Variants in RIN2 observed in about 807,000 individuals in gnomAD.
RIN2 encodes RAB5 interacting protein 2.
RIN2 carries 36 observed loss-of-function variants against 78.0 expected under a neutral mutation model. The observed-to-expected ratio is 0.46, with a 90% CI of 0.35 to 0.61. RIN2 has a LOEUF of 0.61. RIN2 is among the 20% of genes least tolerant of loss of function. RIN2 has a pLI of 0.00. For missense variants in RIN2, 1,087 were observed against 1,159.7 expected (o/e 0.94, Z 0.91); for synonymous variants, 466 against 466.8 (o/e 1.00, Z 0.02).
At chr20:19,779,315 T>C (rs1400859065) in intron 1 of RIN2, among the ~76,000 whole-genome samples, 1 of 152,186 alleles carries the variant, frequency 6.6e-6, no homozygotes, top group African/African-American at 2.4e-5. Flanking sequence ...AAAATCCTCC[T>C]AATTATTAAT....
At chr20:19,764,918 GTTTTTTTTTTT>G (rs10605325) in intron 1 of RIN2, among the ~76,000 whole-genome samples, 1 of 50,362 alleles carries the variant, frequency 2.0e-5, no homozygotes, top group East Asian at 8.7e-4. Context: ...CACTTTCTGC[GTTTTTTTTTTT>G]TTTTTTTTTT....
intron 6 of RIN2, among the ~76,000 whole-genome samples, chr20:19,961,578 CGAT>C (rs141041197): frequency 0.019 from 2,952 of 152,110 alleles, 43 homozygotes; most frequent in Middle Eastern, 0.034. Context: ...ACTTGCTTCC[CGAT>C]TTCCCAGCAC....
intron 3 of RIN2, among the ~76,000 whole-genome samples, chr20:19,918,588 T>A (rs2039781481): frequency 6.6e-6 from 1 of 152,148 alleles, no homozygotes; most frequent in Admixed American, 6.6e-5. Context: ...TTCAACCACT[T>A]TTTGACCTTC....
At chr20:19,803,819 C>T (rs1379508346) in intron 2 of RIN2, among the ~76,000 whole-genome samples, 1 of 152,078 alleles carries the variant, frequency 6.6e-6, no homozygotes, top group African/African-American at 2.4e-5. Context: ...TTGATTCTTC[C>T]TATCCTTGAG....
intron 2 of RIN2, among the ~76,000 whole-genome samples, chr20:19,885,529 T>C (rs1600695920): frequency 7.0e-6 from 1 of 142,570 alleles, no homozygotes; most frequent in East Asian, 2.2e-4. Flanking sequence ...TAGCCAGGCA[T>C]GATGGTGCAC....
chr20:19,940,581 C>A (rs2040827762), intron 4 of RIN2, among the ~76,000 whole-genome samples: 1 of 152,216 alleles, frequency 6.6e-6, no homozygotes, highest in African/African-American at 2.4e-5. Flanking sequence ...AGCCCGTAAG[C>A]CAGGGGCGAG....
At chr20:19,920,707 G>A (rs952359735) in intron 3 of RIN2, among the ~76,000 whole-genome samples, 7 of 152,174 alleles carry the variant, frequency 4.6e-5, no homozygotes, top group Non-Finnish European at 5.9e-5. Flanking sequence ...ACAGAGTCTC[G>A]CTGTGTTGCC....
chr20:19,767,205 CT>C (rs1251233985), intron 1 of RIN2, among the ~76,000 whole-genome samples: 1 of 152,184 alleles, frequency 6.6e-6, no homozygotes, highest in Non-Finnish European at 1.5e-5. Flanking sequence ...GACAAACAGT[CT>C]GATTGAGTGC....
intron 11 of RIN2, among the ~76,000 whole-genome samples, chr20:19,995,390 C>T (rs1167852131): frequency 6.6e-6 from 1 of 151,860 alleles, no homozygotes; most frequent in Non-Finnish European, 1.5e-5. Flanking sequence ...AGTATTTTGA[C>T]AAAGAATGTC....
rs115620051 is a variant in RIN2, at chr20:19,969,108, C to T, written c.537-1730C>T. Among the ~76,000 whole-genome samples, 270 of 152,252 alleles carry T rather than the reference C, an allele frequency of 1.8e-3. 1 individual carries two copies. Among genetic ancestry groups the T allele is most frequent in the African/African-American group, 6.1e-3 (253 of 41,558 alleles). On this transcript the variant is annotated intron_variant, in intron 7 of 12. Transcript: ENST00000255006. ...AACATTCTTGCTTTTTTCTTCTTTT[C>T]ATTGACTTACTAATTTGTTATTCAT... is the stretch of plus-strand genomic sequence containing the variant.
intron 5 of RIN2, among the ~76,000 whole-genome samples, chr20:19,958,578 G>A (rs748884625): frequency 2.0e-5 from 3 of 152,318 alleles, no homozygotes; most frequent in Non-Finnish European, 2.9e-5. Flanking sequence ...CAAGAATAAC[G>A]AAGGGAGAGG....
At chr20:19,886,856 G>A (rs370743229) in intron 2 of RIN2, 1 of 783,616 alleles carries the variant, frequency 1.3e-6, no homozygotes, top group Non-Finnish European at 2.1e-6. Context: ...ACATCTGTGG[G>A]GAGGCATGGG....
intron 3 of RIN2, among the ~76,000 whole-genome samples, chr20:19,919,174 G>A (rs1040680549): frequency 2.0e-5 from 3 of 152,158 alleles, no homozygotes; most frequent in African/African-American, 2.4e-5. Flanking sequence ...CGAGAGTCCC[G>A]GTTATATCCA....
At chr20:19,960,018 G>A (rs149891066) in intron 5 of RIN2, among the ~76,000 whole-genome samples, 1 of 152,220 alleles carries the variant, frequency 6.6e-6, no homozygotes, top group East Asian at 1.9e-4. Flanking sequence ...AGAATGTGAA[G>A]TGAGTCAGGA....
At chr20:19,760,520 A>G (rs896253395) in intron 1 of RIN2, among the ~76,000 whole-genome samples, 6 of 152,264 alleles carry the variant, frequency 3.9e-5, no homozygotes, top group Admixed American at 2.6e-4. Context: ...GTGTCCTGCC[A>G]TACACCTTAT....
rs542685196 is a variant in RIN2, at chr20:19,886,062, T to C, written c.-36-3504T>C. On this transcript the variant is annotated intron_variant, in intron 2 of 12. Transcript: ENST00000255006. ...GGAACAGGCCTGTCCTTAATCCTTC[T>C]CAAGCTCTGTATCTTGCCAAGATCT... 3.2e-3 allele frequency among the ~76,000 whole-genome samples: 488 copies of C among 152,324 alleles called. 1 individual carries two copies. The highest frequency in any genetic ancestry group is 0.011 in the African/African-American group (453 of 41,566).
chr20:19,936,157 G>C (rs748377022), intron 4 of RIN2, among the ~76,000 whole-genome samples: 1 of 152,210 alleles, frequency 6.6e-6, no homozygotes, highest in African/African-American at 2.4e-5. Flanking sequence ...TTTGATACCC[G>C]ATGTCTCTGG....
chr20:19,828,177 A>G lies in RIN2; in HGVS notation c.-37+28430A>G, dbSNP rs75812261. On this transcript the variant is annotated intron_variant, in intron 2 of 12. Transcript: ENST00000255006. Reference sequence around the variant, plus strand: ...TTTTATAGACTCCAACTCACCTTTAAACTTTGTGAAATCTCTGTTTGTAAA... The same window carrying G: ...TTTTATAGACTCCAACTCACCTTTAGACTTTGTGAAATCTCTGTTTGTAAA... 1.4e-3 allele frequency among the ~76,000 whole-genome samples: 218 copies of G among 152,242 alleles called. 1 individual carries two copies. Among genetic ancestry groups the G allele is most frequent in the African/African-American group, 5.1e-3 (212 of 41,540 alleles).
chr20:19,829,493 C>T lies in RIN2; in HGVS notation c.-37+29746C>T, dbSNP rs561540475. ...GAAGAACAATTTTGTATATCATCTA[C>T]GTTGTATACTGGGCTTCTATAGGCT... On this transcript the variant is annotated intron_variant, in intron 2 of 12. Coordinates refer to ENST00000255006, the MANE Select transcript of RIN2 (RefSeq NM_018993.4). Among the ~76,000 whole-genome samples, 11 of 152,278 alleles carry T rather than the reference C, an allele frequency of 7.2e-5. No individual in the cohort carries two copies. The South Asian group carries it at 1.2e-3, about 17-fold the overall frequency.
Sources: gnomAD v4.1 joint callset for allele counts (sites outside exome capture counted in the v4.1 genomes callset) on GRCh38, gnomAD v4.1.1 for gene constraint, MANE v1.5 for transcripts, NCBI Gene and HGNC (gene_info 2026-07-23, HGNC 2026-07-21) for gene names.